The following PBK variants were observed in gnomAD, a reference collection of about 807,000 sequenced individuals.
The protein encoded by PBK is lymphokine-activated killer T-cell-originated protein kinase.
A neutral mutation model predicts 33.5 loss-of-function variants in PBK; 22 were observed. That is an observed-to-expected ratio of 0.66 (90% CI 0.47 to 0.94). PBK has a LOEUF of 0.94. PBK is among the 40% of genes least tolerant of loss of function. PBK has a pLI of 0.00. For synonymous variants in PBK, 129 were observed against 123.8 expected (o/e 1.04, Z -0.28); for missense variants, 376 against 383.4 (o/e 0.98, Z 0.16).
At chr8:27,820,970 G>A (rs1805916223) in intron 5 of PBK, among the ~76,000 whole-genome samples, 1 of 150,844 alleles carries the variant, frequency 6.6e-6, no homozygotes, top group South Asian at 2.1e-4. Context: ...ACTACAGGCG[G>A]GCACCACCAC....
intron 6 of PBK, 157 bp from the exon 7 acceptor site, chr8:27,811,291 T>A: frequency 1.6e-6 from 1 of 644,590 alleles, no homozygotes; most frequent in South Asian, 1.9e-5. Context: ...TAAGGATTAC[T>A]TTCTACCTTT....
chr8:27,826,605 G>T (rs1323719774), intron 3 of PBK, among the ~76,000 whole-genome samples: 2 of 109,172 alleles, frequency 1.8e-5, no homozygotes, highest in African/African-American at 8.6e-5. Context: ...GACCATCCTG[G>T]CTAACACGGT....
intron 3 of PBK, among the ~76,000 whole-genome samples, chr8:27,824,119 C>A (rs1386496329): frequency 6.6e-6 from 1 of 152,104 alleles, no homozygotes; most frequent in Non-Finnish European, 1.5e-5. Context: ...TTTCTTAATT[C>A]ATGTACATCT....
rs1167931424 is a variant in PBK at position 27,816,381 on chromosome 8, TAATTTA to T, written c.595+4178_595+4183del. On this transcript the variant is annotated intron_variant, in intron 6 of 7. Coordinates refer to ENST00000301905, the MANE Select transcript of PBK (RefSeq NM_018492.4). ...TATTTATTTATTTATTTATTTATTT[TAATTTA>T]TTTTTTTTTGAGATGGAATCTCGCT... Among the ~76,000 whole-genome samples the T allele has an allele frequency of 2.1e-4, 9 of 42,288 alleles. No homozygotes were observed. In the South Asian group the frequency reaches 4.7e-3, roughly 22 times the overall value. The allele number at this position is 42,288 out of a possible 152,430, so 27.7% of individuals were successfully genotyped here. A position where few individuals can be genotyped will look rare whatever the true frequency, so the allele number is the denominator to read the frequency against.
At position 27,833,053 on chromosome 8, in the gene PBK, T is replaced by C; in HGVS notation, c.58+3A>G. On this transcript the variant is annotated splice_donor_region_variant and intron_variant, in intron 2 of 7. Transcript: ENST00000301905. ...AAAAAAAATCTTACATCTGCTATCT[T>C]ACCAGATTTCTTTTTTTCTGATAAT... 1 of 1,561,022 alleles carries C rather than the reference T, an allele frequency of 6.4e-7. No homozygotes were observed.
Position 27,810,192 on chromosome 8 carries a change from C to T in PBK, c.*113G>A, listed in dbSNP as rs1805643416. ...TAGTTATCCATATGTTAACAAGAAACTATGGTCCTCAAATATGCCAATTTT... is the reference window on the plus strand; with the variant it reads ...TAGTTATCCATATGTTAACAAGAAATTATGGTCCTCAAATATGCCAATTTT... On this transcript the variant is annotated 3_prime_UTR_variant, in exon 8 of 8. Transcript: ENST00000301905. 4.3e-6 allele frequency: 3 copies of T among 702,092 alleles called. No homozygotes were observed. The highest frequency in any genetic ancestry group is 5.4e-5 in the Admixed American group (2 of 37,356). 43.5% of individuals were successfully genotyped at this position (702,092 alleles called of 1,614,324 possible). A position where few individuals can be genotyped will look rare whatever the true frequency, so the allele number is the denominator to read the frequency against.
intron 6 of PBK, chr8:27,811,449 A>G (rs1045836637): frequency 3.0e-5 from 14 of 463,792 alleles, no homozygotes; most frequent in Admixed American, 2.5e-4. Context: ...GTTCAAAGAC[A>G]TGTGTGTGCA....
intron 7 of PBK, 66 bp downstream of exon 7, chr8:27,810,888 AAGAT>A: frequency 9.6e-7 from 1 of 1,038,244 alleles, no homozygotes; most frequent in Non-Finnish European, 1.5e-6. Context: ...ATATCTTAGA[AAGAT>A]AAAATTATAT....
rs1189098397 is a variant in PBK, at chr8:27,823,107, T to C, written c.251A>G (p.Asp84Gly). ...YRSVYQKRLMDEAKILKSLHH... is the reference protein window; with the variant it reads ...YRSVYQKRLMGEAKILKSLHH... The stretch of plus-strand genomic sequence containing the variant: ...AAGGCTTTTCAAAATCTTAGCTTCA[T>C]CCATTAGTCTCTTTTGATACACACT... The change falls in exon 4 of 8, where the codon GAT becomes GGT. Residue 84 changes from aspartate to glycine, a missense_variant. Physicochemically the swap from Asp to Gly is moderately conservative, Grantham distance 94. Transcript: ENST00000301905. 5 of 1,592,814 alleles carry C rather than the reference T, an allele frequency of 3.1e-6. No homozygotes were observed. Among genetic ancestry groups the C allele is most frequent in the East Asian group, 4.5e-5 (2 of 44,580 alleles).
At chr8:27,836,808 T>TCTTACGA (rs1289721137) in intron 1 of PBK, among the ~76,000 whole-genome samples, 1 of 152,218 alleles carries the variant, frequency 6.6e-6, no homozygotes, top group Non-Finnish European at 1.5e-5. Flanking sequence ...CATTATGTTC[T>TCTTACGA]CTTACGACTG....
intron 1 of PBK, among the ~76,000 whole-genome samples, chr8:27,837,174 A>G (rs1257709415): frequency 7.0e-6 from 1 of 141,888 alleles, no homozygotes; most frequent in Non-Finnish European, 1.6e-5. Flanking sequence ...TTTAACAATC[A>G]AGTACTGTTT....
At position 27,822,310 on chromosome 8, in the gene PBK, C is replaced by T. The variant is rs1438016846; in HGVS notation, c.465+9G>A. 1 of 1,563,232 alleles carries T rather than the reference C, an allele frequency of 6.4e-7. No homozygotes were observed. Among genetic ancestry groups the T allele is most frequent in the Non-Finnish European group, 8.7e-7 (1 of 1,144,444 alleles). ...ACAGAAGTCATTTAAAATATAATGACATAGTTACCTTTAACCCTCTTGCCA... is the reference window on the plus strand; with the variant it reads ...ACAGAAGTCATTTAAAATATAATGATATAGTTACCTTTAACCCTCTTGCCA... On this transcript the variant is annotated intron_variant, in intron 5 of 7. Coordinates refer to ENST00000301905, the MANE Select transcript of PBK (RefSeq NM_018492.4).
chr8:27,810,835 G>T, intron 7 of PBK, 123 bp downstream of exon 7: 1 of 692,828 alleles, frequency 1.4e-6, no homozygotes, highest in Non-Finnish European at 2.4e-6. Flanking sequence ...ATTTGTGTGA[G>T]ATTAAACCTT....
At chr8:27,828,821 T>G (rs1013473141) in intron 2 of PBK, among the ~76,000 whole-genome samples, 1 of 150,848 alleles carries the variant, frequency 6.6e-6, no homozygotes, top group Non-Finnish European at 1.5e-5. Context: ...TAACTACTCC[T>G]GGACAATTAA....
At chr8:27,834,193 A>T (rs984918335) in intron 1 of PBK, among the ~76,000 whole-genome samples, 2 of 152,040 alleles carry the variant, frequency 1.3e-5, no homozygotes, top group Admixed American at 1.3e-4. Flanking sequence ...ACACCTGGCT[A>T]ATTTTTATAT....
rs767514634 is a variant in PBK, at chr8:27,822,363, C to T, written c.421G>A (p.Ala141Thr). ...YKASQDPFPA[A>T]IILKVALNMA... ...TTCAAAGCAACTTTTAAAATTATGG[C>T]TGCTGGAAAAGGATCTTGGCTGGCT... is the stretch of plus-strand genomic sequence containing the variant. Residue 141 changes from alanine (A) to threonine (T), a missense_variant, in exon 5 of 8, where the codon GCC becomes ACC. Ala to Thr is a moderately conservative substitution (Grantham distance 58, BLOSUM62 0). Transcript: ENST00000301905. 5 of 1,613,192 alleles carry T rather than the reference C, an allele frequency of 3.1e-6. No individual in the cohort carries two copies. The highest frequency in any genetic ancestry group is 4.2e-6 in the Non-Finnish European group (5 of 1,179,690).
intron 1 of PBK, among the ~76,000 whole-genome samples, chr8:27,834,680 C>T (rs1270008122): frequency 6.6e-6 from 1 of 152,070 alleles, no homozygotes; most frequent in African/African-American, 2.4e-5. Flanking sequence ...GATCAGTTGA[C>T]ATCAGGAGTT....
rs113523477 is a variant in PBK, at chr8:27,820,741, A to G, written c.466-47T>C. 1,965 of 1,108,774 alleles carry G rather than the reference A, an allele frequency of 1.8e-3. 28 individuals are homozygous for G. The African/African-American group carries it at 0.028, about 16-fold the overall frequency. The allele number at this position is 1,108,774 out of a possible 1,614,324, so 68.7% of individuals were successfully genotyped here. ...CACATATGTGCAGAAACACAAACTA[A>G]TAAAAAAATGTGATAACCTCCAAAT... On this transcript the variant is annotated intron_variant, in intron 5 of 7. Coordinates refer to ENST00000301905, the MANE Select transcript of PBK (RefSeq NM_018492.4).
intron 6 of PBK, among the ~76,000 whole-genome samples, chr8:27,813,198 C>G: frequency 6.6e-6 from 1 of 152,172 alleles, no homozygotes; most frequent in Non-Finnish European, 1.5e-5. Context: ...AACCATCATT[C>G]TCAGCAAACT....
Sources: allele counts gnomAD v4.1 joint callset (sites outside exome capture counted in the v4.1 genomes callset), GRCh38; gene constraint gnomAD v4.1.1; transcripts MANE v1.5; gene names NCBI Gene and HGNC (gene_info 2026-07-23, HGNC 2026-07-21).